Variants in MAGI2 observed in about 807,000 individuals in gnomAD.
MAGI2 encodes the protein membrane associated guanylate kinase, WW and PDZ domain containing 2.
A neutral mutation model predicts 133.3 loss-of-function variants in MAGI2; 35 were observed. The observed-to-expected ratio is 0.26, with a 90% CI of 0.20 to 0.35. The LOEUF (loss-of-function observed/expected upper bound fraction) is 0.35. Ranked by LOEUF, MAGI2 falls within the 10% of genes least tolerant of loss-of-function variation. MAGI2 has a pLI of 1.00. For missense variants in MAGI2, 1,636 were observed against 1,863.4 expected (o/e 0.88, Z 2.25); for synonymous variants, 729 against 710.6 (o/e 1.03, Z -0.41).
chr7:78,319,591 C>T (rs1040453900), intron 9 of MAGI2, among the ~76,000 whole-genome samples: 1 of 152,158 alleles, frequency 6.6e-6, no homozygotes, highest in Non-Finnish European at 1.5e-5. Context: ...AGAACAAAGA[C>T]ACAACATAAC....
chr7:78,954,909 T>C (rs1193873299), intron 2 of MAGI2, among the ~76,000 whole-genome samples: 1 of 152,182 alleles, frequency 6.6e-6, no homozygotes, highest in East Asian at 1.9e-4. Flanking sequence ...TTATTATAGA[T>C]GTGAGTTTTA....
intron 6 of MAGI2, among the ~76,000 whole-genome samples, chr7:78,483,404 C>A (rs1374865832): frequency 6.6e-6 from 1 of 151,762 alleles, no homozygotes; most frequent in Non-Finnish European, 1.5e-5. Flanking sequence ...CTAGGCACTA[C>A]TTTATAGCCA....
chr7:78,701,799 T>G (rs1337145189), intron 2 of MAGI2, among the ~76,000 whole-genome samples: 1 of 152,010 alleles, frequency 6.6e-6, no homozygotes, highest in African/African-American at 2.4e-5. Context: ...TTAAAAGGCT[T>G]TCTTATAATC....
chr7:79,215,535 A>G, intron 1 of MAGI2, among the ~76,000 whole-genome samples: 1 of 151,950 alleles, frequency 6.6e-6, no homozygotes. Flanking sequence ...TAACCCAGAC[A>G]TTACTTTCTA....
At chr7:78,453,481 G>A (rs897154778) in intron 6 of MAGI2, among the ~76,000 whole-genome samples, 2 of 152,196 alleles carry the variant, frequency 1.3e-5, no homozygotes, top group African/African-American at 4.8e-5. Context: ...TCCTTGGGTA[G>A]TTCTTCCTCC....
At chr7:79,093,880 A>T (rs557438893) in intron 1 of MAGI2, among the ~76,000 whole-genome samples, 1 of 151,796 alleles carries the variant, frequency 6.6e-6, no homozygotes, top group Admixed American at 6.6e-5. Flanking sequence ...ACACCCAGCT[A>T]ATTTTTGTAT....
intron 1 of MAGI2, among the ~76,000 whole-genome samples, chr7:79,062,182 G>T (rs1813818051): frequency 6.6e-6 from 1 of 152,104 alleles, no homozygotes; most frequent in Non-Finnish European, 1.5e-5. Context: ...CCCATGATTA[G>T]TTATAATTTC....
At chr7:78,532,467 C>T (rs1054144018) in intron 3 of MAGI2, among the ~76,000 whole-genome samples, 2 of 152,158 alleles carry the variant, frequency 1.3e-5, no homozygotes, top group Non-Finnish European at 2.9e-5. Flanking sequence ...CATTTGCATC[C>T]ATCCCTGTTG....
chr7:78,324,409 C>G (rs1363972497), intron 9 of MAGI2, among the ~76,000 whole-genome samples: 1 of 152,144 alleles, frequency 6.6e-6, no homozygotes, highest in African/African-American at 2.4e-5. Flanking sequence ...TAGAACAGCA[C>G]AGTAGTCAAG....
intron 9 of MAGI2, among the ~76,000 whole-genome samples, chr7:78,337,543 C>T (rs915055309): frequency 6.6e-5 from 10 of 152,152 alleles, no homozygotes; most frequent in African/African-American, 2.4e-4. Context: ...TTAGAGATCA[C>T]CTAGAGCTGG....
chr7:78,223,392 T>C (rs1789028888), intron 10 of MAGI2, among the ~76,000 whole-genome samples: 3 of 151,950 alleles, frequency 2.0e-5, no homozygotes, highest in African/African-American at 4.8e-5. Context: ...TATTTAAGAG[T>C]TAGCTTTGAG....
intron 15 of MAGI2, among the ~76,000 whole-genome samples, chr7:78,161,738 C>T (rs1181280798): frequency 1.3e-5 from 2 of 148,174 alleles, no homozygotes; most frequent in African/African-American, 4.9e-5. Context: ...AAAAAATGGC[C>T]TAACCAAAAT....
At chr7:78,860,380 C>T (rs1288100933) in intron 2 of MAGI2, among the ~76,000 whole-genome samples, 2 of 152,162 alleles carry the variant, frequency 1.3e-5, no homozygotes, top group African/African-American at 4.8e-5. Context: ...GTGGTTTTAT[C>T]TACCTTTGGT....
intron 1 of MAGI2, chr7:79,414,554 C>T (rs544880079): frequency 1.3e-5 from 2 of 152,148 alleles, no homozygotes; most frequent in East Asian, 3.9e-4. Context: ...AGCCATTTTG[C>T]AAATGGATCT....
chr7:79,019,472 G>T (rs748710213), intron 1 of MAGI2, among the ~76,000 whole-genome samples: 8 of 152,118 alleles, frequency 5.3e-5, no homozygotes, highest in Non-Finnish European at 1.2e-4. Flanking sequence ...CAGCCATGTG[G>T]AACTGTGAGT....
chr7:78,679,683 A>G (rs1197369941), intron 2 of MAGI2, among the ~76,000 whole-genome samples: 1 of 152,192 alleles, frequency 6.6e-6, no homozygotes, highest in Non-Finnish European at 1.5e-5. Flanking sequence ...TGGAGTTTAC[A>G]CGTAGAAAAG....
rs773382063 is a variant in MAGI2, at chr7:78,019,862, G to C, written c.3821C>G (p.Ser1274Cys). 1 of 1,613,468 alleles carries C rather than the reference G, an allele frequency of 6.2e-7. No individual in the cohort carries two copies. Among genetic ancestry groups the C allele is most frequent in the South Asian group, 1.1e-5 (1 of 91,010 alleles). ...TGGGCTTATCTGGTGGGAAGGGTCGGAGGGTGGGGCTGGATGTGATGGAGA... is the reference window on the plus strand; with the variant it reads ...TGGGCTTATCTGGTGGGAAGGGTCGCAGGGTGGGGCTGGATGTGATGGAGA... ...PFSPSHPAPP[S>C]DPSHQISPGP... Residue 1274 changes from serine to cysteine, a missense_variant, in exon 22 of 22, where the codon TCC (serine) becomes TGC (cysteine). Coordinates refer to ENST00000354212, the MANE Select transcript of MAGI2 (RefSeq NM_012301.4).
intron 1 of MAGI2, among the ~76,000 whole-genome samples, chr7:79,387,306 G>T (rs971112713): frequency 3.9e-5 from 6 of 151,908 alleles, no homozygotes; most frequent in African/African-American, 1.5e-4. Flanking sequence ...GCTTTTCTGT[G>T]TAGACCATAG....
chr7:78,167,757 C>G (rs1190952921), intron 15 of MAGI2, among the ~76,000 whole-genome samples, 159 bp downstream of exon 15: 1 of 152,186 alleles, frequency 6.6e-6, no homozygotes, highest in East Asian at 1.9e-4. Context: ...AAAATCAGCA[C>G]TTTCAAAATC....
Sources: gnomAD v4.1 joint callset for allele counts (sites outside exome capture counted in the v4.1 genomes callset) on GRCh38, gnomAD v4.1.1 for gene constraint, MANE v1.5 for transcripts, NCBI Gene and HGNC (gene_info 2026-07-23, HGNC 2026-07-21) for gene names.